The following CIITA variants were observed in gnomAD, a reference collection of about 807,000 sequenced individuals.
CIITA encodes MHC class II transactivator.
Under a neutral mutation model 115.1 loss-of-function variants are expected in CIITA, and 72 were observed. That is an observed-to-expected ratio of 0.63 (90% CI 0.52 to 0.76). CIITA has a LOEUF of 0.76. Ranked by LOEUF, CIITA falls within the 30% of genes least tolerant of loss-of-function variation. CIITA has a pLI of 0.00. For synonymous variants in CIITA, 763 were observed against 635.6 expected (o/e 1.20, Z -3.02); for missense variants, 1,617 against 1,463.8 (o/e 1.10, Z -1.71).
Position 10,907,974 on chromosome 16 carries a change from G to A in CIITA, c.2482G>A (p.Glu828Lys). The change falls in exon 11 of 20, where the codon GAG becomes AAG. Residue 828 changes from glutamate (E) to lysine (K), a missense_variant. By Grantham distance (56) the Glu-to-Lys change is moderately conservative. Transcript: ENST00000324288. The surrounding 1 kb of genome is among the most constrained non-coding windows in gnomAD (Gnocchi z 5.0). ...EAGIWQHVVQ[E>K]LPGRLSFLGT... is the part of the protein sequence containing the mutation. ...TGGAATTTGGCAGCACGTGGTACAGGAGCTCCCCGGCCGCCTCTCTTTTCT... is the reference window on the plus strand; with the variant it reads ...TGGAATTTGGCAGCACGTGGTACAGAAGCTCCCCGGCCGCCTCTCTTTTCT... The A allele has an allele frequency of 1.3e-6, 2 of 1,581,290 alleles. No individual in the cohort carries two copies. Among genetic ancestry groups the A allele is most frequent in the South Asian group, 1.2e-5 (1 of 85,618 alleles).
chr16:10,915,876 C>CT (rs1447955528), intron 14 of CIITA, among the ~76,000 whole-genome samples: 1 of 152,204 alleles, frequency 6.6e-6, no homozygotes, highest in African/African-American at 2.4e-5. Flanking sequence ...CACTTTGTCC[C>CT]TTTTTTTCTC....
chr16:10,936,563 G>C (rs1249820923), downstream of CIITA: 2 of 152,222 alleles, frequency 1.3e-5, no homozygotes, highest in African/African-American at 2.4e-5. Context: ...TTGTGCTCTT[G>C]CAACTTTTCT....
At chr16:10,884,543 T>C (rs1005296907) in intron 1 of CIITA, among the ~76,000 whole-genome samples, 1 of 152,084 alleles carries the variant, frequency 6.6e-6, no homozygotes, top group Non-Finnish European at 1.5e-5. Flanking sequence ...GCCTCCCAAG[T>C]AGCCGAGACT....
upstream of CIITA, among the ~76,000 whole-genome samples, chr16:10,875,018 G>C (rs2035735278): frequency 6.6e-6 from 1 of 151,546 alleles, no homozygotes; most frequent in Admixed American, 6.6e-5. Flanking sequence ...ACCCACGCTT[G>C]AGTGCAGTGG....
At chr16:10,900,177 A>G (rs1435985742) in intron 5 of CIITA, among the ~76,000 whole-genome samples, 1 of 152,168 alleles carries the variant, frequency 6.6e-6, no homozygotes, top group Non-Finnish European at 1.5e-5. Flanking sequence ...TAGTCAACCT[A>G]TGTGACCAGC....
chr16:10,905,756 A>G (rs2039100425), intron 10 of CIITA, among the ~76,000 whole-genome samples: 1 of 151,070 alleles, frequency 6.6e-6, no homozygotes, highest in African/African-American at 2.4e-5. Flanking sequence ...GGCAGGATCC[A>G]TCTCAAAAAA....
chr16:10,867,622 G>T (rs746453792), intron 1 of CIITA, among the ~76,000 whole-genome samples: 2 of 152,094 alleles, frequency 1.3e-5, no homozygotes, highest in Non-Finnish European at 2.9e-5. Flanking sequence ...TTTTAAGAGC[G>T]TTGGTGGCAC....
chr16:10,936,705 G>A (rs186929093), downstream of CIITA: 14 of 152,338 alleles, frequency 9.2e-5, no homozygotes, highest in East Asian at 2.1e-3. Context: ...GTCGGGGATG[G>A]GGAGCCCTCA....
chr16:10,904,847 G>A (rs575534388), intron 10 of CIITA, 35 bp downstream of exon 10: 7 of 1,607,708 alleles, frequency 4.4e-6, no homozygotes, highest in East Asian at 4.5e-5. Context: ...CCTGGGTGGT[G>A]GAGATGGAAG....
In CIITA at chr16:10,911,582, T is replaced by G. The variant is rs527269953; in HGVS notation, c.2888+1323T>G. On this transcript the variant is annotated intron_variant, in intron 13 of 19. Coordinates refer to ENST00000324288, the MANE Select transcript of CIITA (RefSeq NM_000246.4). ...TTTTCTTTTCTTTCTTGAGGCAGAG[T>G]CTTACTCTGTCCCTCAGGCTGGAGT... 4.5e-3 allele frequency among the ~76,000 whole-genome samples: 684 copies of G among 151,500 alleles called. 4 individuals carry two copies. Among genetic ancestry groups the G allele is most frequent in the African/African-American group, 0.016 (662 of 41,232 alleles).
At chr16:10,896,866 G>C (rs1171983183) in intron 3 of CIITA, among the ~76,000 whole-genome samples, 1 of 152,222 alleles carries the variant, frequency 6.6e-6, no homozygotes, top group African/African-American at 2.4e-5. Context: ...AAATGGAGGG[G>C]ACTAGTAATT....
At chr16:10,917,262 A>G (rs1032373072) in intron 15 of CIITA, among the ~76,000 whole-genome samples, 6 of 151,436 alleles carry the variant, frequency 4.0e-5, no homozygotes, top group African/African-American at 7.3e-5. Flanking sequence ...TGCAGCCTCA[A>G]TCTCCTAGGC....
At chr16:10,903,216 C>T (rs7192791) in intron 8 of CIITA, among the ~76,000 whole-genome samples, 2,965 of 152,290 alleles carry the variant, frequency 0.019, 91 homozygotes, top group African/African-American at 0.068. Context: ...CCTTGCATAG[C>T]TTTCTCTGAT....
At position 10,916,967 on chromosome 16, in the gene CIITA, A is replaced by G. The variant is rs569940661; in HGVS notation, c.3062+508A>G. 1.3e-4 allele frequency: 33 copies of G among 259,298 alleles called. 1 individual carries two copies. The highest frequency in any genetic ancestry group is 3.3e-4 in the Admixed American group (7 of 20,896). The allele number at this position is 259,298 out of a possible 1,614,324, so 16.1% of individuals were successfully genotyped here. A position where few individuals can be genotyped will look rare whatever the true frequency, so the allele number is the denominator to read the frequency against. ...AGGAATCTTAAATTCTAGTGAGGAGACACAATGAACAAGTAAACAAGTCGG... is the reference window on the plus strand; with the variant it reads ...AGGAATCTTAAATTCTAGTGAGGAGGCACAATGAACAAGTAAACAAGTCGG... On this transcript the variant is annotated intron_variant, in intron 15 of 19. Transcript: ENST00000324288.
Position 10,941,777 on chromosome 16 carries a change from C to A in CIITA, n.903C>A. On this transcript the variant is annotated non_coding_transcript_exon_variant, in exon 2 of 2. Coordinates refer to the CIITA transcript ENST00000573379. The surrounding 1 kb of genome is among the most constrained non-coding windows in gnomAD (Gnocchi z 6.4). ...GAGTCAGCATCGTAAAGGCCCGAGC[C>A]GGGGTCGGAGAGCACGCCGAGGTCC... The A allele has an allele frequency of 6.2e-7, 1 of 1,613,646 alleles. No homozygotes were observed.
intron 3 of CIITA, among the ~76,000 whole-genome samples, 177 bp downstream of exon 3, chr16:10,895,941 G>A (rs1021556728): frequency 6.6e-6 from 1 of 151,992 alleles, no homozygotes; most frequent in Non-Finnish European, 1.5e-5. Context: ...GAGGGGAGAT[G>A]GAGGCCAGTG....
Position 10,942,412 on chromosome 16 carries a change from C to T in CIITA, n.1538C>T, listed in dbSNP as rs1412411511. The T allele has an allele frequency of 1.2e-5, 2 of 161,382 alleles. No individual in the cohort carries two copies. Among genetic ancestry groups the T allele is most frequent in the Non-Finnish European group, 2.7e-5 (2 of 74,188 alleles). 10.0% of individuals were successfully genotyped at this position (161,382 alleles called of 1,614,324 possible). A position where few individuals can be genotyped will look rare whatever the true frequency, so the allele number is the denominator to read the frequency against. ...GCAGGTCCTCGCGCACCCCCCGCGC[C>T]CCCGCAGGCCCAGCACCCATGGCTG... On this transcript the variant is annotated non_coding_transcript_exon_variant, in exon 2 of 2. Transcript: ENST00000573379. The surrounding 1 kb of genome is among the most constrained non-coding windows in gnomAD (Gnocchi z 5.0).
intron 10 of CIITA, among the ~76,000 whole-genome samples, chr16:10,905,198 C>T (rs1173302618): frequency 6.6e-6 from 1 of 152,226 alleles, no homozygotes; most frequent in African/African-American, 2.4e-5. Context: ...TAAATGCTTA[C>T]TCTCACATAC....
At chr16:10,873,336 A>G (rs1438849705), upstream of CIITA, among the ~76,000 whole-genome samples, 2 of 152,242 alleles carry the variant, frequency 1.3e-5, no homozygotes, top group Non-Finnish European at 2.9e-5. Flanking sequence ...ACCTGATCCT[A>G]GACATTAACA....
Sources: allele counts gnomAD v4.1 joint callset (sites outside exome capture counted in the v4.1 genomes callset), GRCh38; gene constraint gnomAD v4.1.1; non-coding constraint Gnocchi (gnomAD v3.1); transcripts MANE v1.5; gene names NCBI Gene and HGNC (gene_info 2026-07-23, HGNC 2026-07-21).